CSMD1: variants seen among roughly 807,000 people sequenced by gnomAD.
CSMD1 encodes the protein CUB and sushi domain-containing protein 1.
Under a neutral mutation model 417.5 loss-of-function variants are expected in CSMD1, and 213 were observed. That is an observed-to-expected ratio of 0.51 (90% CI 0.46 to 0.57). The LOEUF (loss-of-function observed/expected upper bound fraction) is 0.57, where lower values mean the gene tolerates loss of function less well. CSMD1 is among the 20% of genes least tolerant of loss of function. The probability of loss-of-function intolerance (pLI) is 0.00; values close to 1 mark genes in which losing one functional copy is unlikely to be tolerated. For synonymous variants in CSMD1, 2,862 were observed against 1,736.8 expected (o/e 1.65, Z -16.11); for missense variants, 6,923 against 4,529.7 (o/e 1.53, Z -15.17).
intron 3 of CSMD1, among the ~76,000 whole-genome samples, chr8:4,391,888 G>T (rs1000461158): frequency 3.9e-5 from 6 of 152,132 alleles, no homozygotes; most frequent in Admixed American, 1.3e-4. Context: ...AGCTTCTGCC[G>T]AGAGCTTCTT....
intron 5 of CSMD1, among the ~76,000 whole-genome samples, chr8:3,860,711 G>C (rs1804641985): frequency 6.6e-6 from 1 of 152,074 alleles, no homozygotes; most frequent in African/African-American, 2.4e-5. Flanking sequence ...TGAACTAAAT[G>C]CAATACACGC....
At chr8:3,723,704 G>A (rs1304083901) in intron 6 of CSMD1, among the ~76,000 whole-genome samples, 2 of 152,126 alleles carry the variant, frequency 1.3e-5, no homozygotes, top group African/African-American at 2.4e-5. Flanking sequence ...ATATTAACAC[G>A]TGTGCTTTTT....
intron 25 of CSMD1, among the ~76,000 whole-genome samples, chr8:3,302,272 C>G (rs368686891): frequency 1.3e-5 from 2 of 152,126 alleles, no homozygotes; most frequent in Non-Finnish European, 2.9e-5. Context: ...CCTGAAATAA[C>G]TCTAGAAGTT....
intron 30 of CSMD1, among the ~76,000 whole-genome samples, chr8:3,209,744 T>A (rs1797496721): frequency 6.6e-6 from 1 of 152,248 alleles, no homozygotes; most frequent in South Asian, 2.1e-4. Flanking sequence ...TAAATGTTTG[T>A]TATTTGGTAA....
intron 1 of CSMD1, among the ~76,000 whole-genome samples, chr8:4,801,650 A>G (rs116583069): frequency 0.011 from 1,694 of 152,050 alleles, 27 homozygotes; most frequent in African/African-American, 0.038. Context: ...CTTTATCTAC[A>G]CCAGTGTCCT....
chr8:3,346,009 T>C (rs888151739), intron 22 of CSMD1, among the ~76,000 whole-genome samples: 10 of 152,228 alleles, frequency 6.6e-5, no homozygotes, highest in Non-Finnish European at 2.9e-5. Flanking sequence ...TATAAAATTT[T>C]AGTCTTTATT....
rs1240023318 is a variant in CSMD1 at position 4,398,385 on chromosome 8, CTTCT to C, written c.415+21564_415+21567del. ...CTCTTTTTAAATTGTCTTGCTGCAA[CTTCT>C]TTTTTTTTTTTTTTTTTTTGTGAGA... On this transcript the variant is annotated intron_variant, in intron 3 of 69. Transcript: ENST00000635120. Among the ~76,000 whole-genome samples the C allele has an allele frequency of 5.9e-5, 7 of 118,130 alleles. 1 individual carries two copies. The highest frequency in any genetic ancestry group is 1.6e-4 in the African/African-American group (5 of 31,094). 77.5% of individuals were successfully genotyped at this position (118,130 alleles called of 152,430 possible).
intron 2 of CSMD1, among the ~76,000 whole-genome samples, chr8:4,569,938 C>T (rs1798803979): frequency 1.3e-5 from 2 of 150,538 alleles, no homozygotes; most frequent in African/African-American, 2.5e-5. Flanking sequence ...ATTTGGCTCT[C>T]TGTCTATTGT....
In CSMD1 at chr8:4,099,948, A is replaced by G. The variant is rs575052422; in HGVS notation, c.416-67849T>C. ...CAACAACAACAACAATAGTGAATAA[A>G]AATACTCATTTATTTTACTTCCTAA... On this transcript the variant is annotated intron_variant, in intron 3 of 69. Coordinates refer to ENST00000635120, the MANE Select transcript of CSMD1 (RefSeq NM_033225.6). Among the ~76,000 whole-genome samples the G allele has an allele frequency of 2.6e-5, 4 of 152,344 alleles. No individual in the cohort carries two copies. The South Asian group carries it at 6.2e-4, about 24-fold the overall frequency.
At chr8:3,785,429 G>C (rs185675123) in intron 5 of CSMD1, among the ~76,000 whole-genome samples, 30 of 152,284 alleles carry the variant, frequency 2.0e-4, no homozygotes, top group Middle Eastern at 3.4e-3. Context: ...AAGCAGCTGG[G>C]ACCCAGCAAT....
chr8:3,888,114 C>A (rs1365515841), intron 5 of CSMD1, among the ~76,000 whole-genome samples: 1 of 152,120 alleles, frequency 6.6e-6, no homozygotes, highest in Non-Finnish European at 1.5e-5. Flanking sequence ...GCTCCTTTGC[C>A]TAAGTGGGAT....
Position 3,000,024 on chromosome 8 carries a change from C to A in CSMD1, c.8137G>T (p.Val2713Leu), listed in dbSNP as rs199979403. ...AGGCATATCCTCACGGAAGTTCCCACAAGCCGGAAACCAGGATTGCACTGG... is the reference window on the plus strand; with the variant it reads ...AGGCATATCCTCACGGAAGTTCCCAAAAGCCGGAAACCAGGATTGCACTGG... ...VYQCNPGFRL[V>L]GTSVRICLQD... The change falls in exon 53 of 70, where the codon GTG becomes TTG. Residue 2713 changes from valine (V) to leucine (L), a missense_variant. By Grantham distance (32) the Val-to-Leu change is conservative. Coordinates refer to ENST00000635120, the MANE Select transcript of CSMD1 (RefSeq NM_033225.6). 7.5e-6 allele frequency: 12 copies of A among 1,607,470 alleles called. No homozygotes were observed. The East Asian group carries it at 2.7e-4, about 36-fold the overall frequency.
At chr8:4,250,644 T>G (rs1025233346) in intron 3 of CSMD1, among the ~76,000 whole-genome samples, 14 of 152,232 alleles carry the variant, frequency 9.2e-5, no homozygotes, top group African/African-American at 3.4e-4. Flanking sequence ...CACACTGTAT[T>G]AGATACTATT....
At chr8:3,066,980 C>T (rs1427017848) in intron 49 of CSMD1, among the ~76,000 whole-genome samples, 1 of 151,912 alleles carries the variant, frequency 6.6e-6, no homozygotes, top group Non-Finnish European at 1.5e-5. Context: ...GAGGTACAGA[C>T]TGACGAAAAT....
At chr8:4,420,133 G>A (rs1008928039) in intron 2 of CSMD1, 68 bp from the exon 3 acceptor site, 30 of 1,073,368 alleles carry the variant, frequency 2.8e-5, no homozygotes, top group Non-Finnish European at 3.9e-5. Context: ...CTTATTTGAT[G>A]AAGTCACTGA....
chr8:3,664,771 A>T (rs1157609560), intron 7 of CSMD1, among the ~76,000 whole-genome samples: 1 of 152,242 alleles, frequency 6.6e-6, no homozygotes, highest in African/African-American at 2.4e-5. Flanking sequence ...TAAAGAGTAC[A>T]TCCTGACACT....
At chr8:4,047,925 G>T (rs144047111) in intron 3 of CSMD1, among the ~76,000 whole-genome samples, 1 of 152,062 alleles carries the variant, frequency 6.6e-6, no homozygotes, top group South Asian at 2.1e-4. Flanking sequence ...ATAAAAATTA[G>T]GATTGTTTTC....
intron 5 of CSMD1, among the ~76,000 whole-genome samples, chr8:3,894,287 C>A (rs1247662152): frequency 1.3e-5 from 2 of 152,142 alleles, no homozygotes; most frequent in East Asian, 3.9e-4. Context: ...TTCCTGTGCA[C>A]CTGTCTCGCT....
intron 1 of CSMD1, among the ~76,000 whole-genome samples, chr8:4,825,517 C>T (rs899761435): frequency 6.6e-6 from 1 of 151,972 alleles, no homozygotes; most frequent in African/African-American, 2.4e-5. Context: ...TCCCCTGGCC[C>T]CTGGTAAACA....
Sources: allele counts gnomAD v4.1 joint callset (sites outside exome capture counted in the v4.1 genomes callset), GRCh38; gene constraint gnomAD v4.1.1; transcripts MANE v1.5; gene names NCBI Gene and HGNC (gene_info 2026-07-23, HGNC 2026-07-21).